The following EXD1 variants were observed in gnomAD, a reference collection of about 807,000 sequenced individuals.
EXD1 encodes the protein piRNA biogenesis protein EXD1.
A neutral mutation model predicts 49.1 loss-of-function variants in EXD1; 63 were observed. The ratio of observed to expected loss-of-function variants is 1.28; its 90% CI spans 1.05 to 1.58. The LOEUF is 1.58. Among genes scored for constraint, EXD1 ranks in the 40% most tolerant of loss-of-function variants. EXD1 has a pLI of 0.00. For missense variants in EXD1, 748 were observed against 666.0 expected (o/e 1.12, Z -1.36); for synonymous variants, 234 against 239.2 (o/e 0.98, Z 0.20).
intron 7 of EXD1, among the ~76,000 whole-genome samples, chr15:41,207,331 C>T (rs1042118222): frequency 2.7e-5 from 4 of 149,592 alleles, no homozygotes; most frequent in Admixed American, 1.3e-4. Context: ...CACCTGAGGT[C>T]GGGAGTTCGA....
Position 41,213,016 on chromosome 15 carries a change from GGGTGAC to G in EXD1, c.447+2753_447+2758del, listed in dbSNP as rs142392506. Among the ~76,000 whole-genome samples the G allele has an allele frequency of 8.2e-3, 1,240 of 151,796 alleles. 14 individuals carry two copies. Among genetic ancestry groups the G allele is most frequent in the African/African-American group, 0.029 (1,200 of 41,394 alleles). ...TGATTGTGCCACTGCACTCCAACCT[GGGTGAC>G]AGAGCAAGACCCCGTCTCAAAAAAA... On this transcript the variant is annotated intron_variant, in intron 6 of 11. Transcript: ENST00000458580.
intron 5 of EXD1, 49 bp downstream of exon 5, chr15:41,216,619 G>A (rs751409229): frequency 6.5e-6 from 10 of 1,547,308 alleles, no homozygotes; most frequent in Middle Eastern, 2.4e-4. Context: ...CAACAAGAGC[G>A]AAACTCCATC....
intron 2 of EXD1, among the ~76,000 whole-genome samples, chr15:41,225,178 C>T (rs2047142694): frequency 6.6e-6 from 1 of 152,184 alleles, no homozygotes; most frequent in African/African-American, 2.4e-5. Flanking sequence ...AGCTGCCTAC[C>T]TCTTTACTTT....
intron 2 of EXD1, among the ~76,000 whole-genome samples, chr15:41,222,464 A>G (rs1206479615): frequency 6.6e-6 from 1 of 152,082 alleles, no homozygotes; most frequent in East Asian, 1.9e-4. Context: ...TCCATCACCA[A>G]TTCCTCCTTT....
intron 9 of EXD1, among the ~76,000 whole-genome samples, chr15:41,192,594 ATTTTTTTTTTTTTTTT>A (rs59054803): frequency 3.7e-4 from 15 of 40,836 alleles, no homozygotes; most frequent in African/African-American, 1.0e-3. Flanking sequence ...TGCGCCAGGC[ATTTTTTTTTTTTTTTT>A]TTTTTTTTTT....
At chr15:41,196,264 G>C (rs1408050142) in intron 7 of EXD1, among the ~76,000 whole-genome samples, 1 of 149,792 alleles carries the variant, frequency 6.7e-6, no homozygotes, top group Non-Finnish European at 1.5e-5. Flanking sequence ...CTCCTGCCTC[G>C]GCCTCCTGAT....
chr15:41,210,115 A>G (rs1012277784), intron 6 of EXD1, among the ~76,000 whole-genome samples: 31 of 152,158 alleles, frequency 2.0e-4, no homozygotes, highest in Admixed American at 3.9e-4. Flanking sequence ...GGGTGTCACT[A>G]TGTTGGTCAG....
At chr15:41,195,890 G>A (rs781005266) in intron 8 of EXD1, 35 bp from the exon 9 acceptor site, 59 of 1,609,096 alleles carry the variant, frequency 3.7e-5, no homozygotes, top group Non-Finnish European at 4.7e-5. Context: ...ATTAGAACCT[G>A]GCTGCTAATC....
rs377285853 is a variant in EXD1, at chr15:41,184,047, C to G, written c.1603G>C (p.Val535Leu). The change falls in exon 12 of 12, where the codon GTG (valine) becomes CTG (leucine). Residue 535 changes from valine to leucine, a missense_variant. Transcript: ENST00000458580. ...SMSSFPQETRVSPSDTFYPIR... is the reference protein window; with the variant it reads ...SMSSFPQETRLSPSDTFYPIR... The stretch of plus-strand genomic sequence containing the variant: ...GGATAAAAAGTGTCACTTGGAGACA[C>G]TCTGGTTTCCTGAGGAAAGGAAGAC... 12 of 1,614,084 alleles carry G rather than the reference C, an allele frequency of 7.4e-6. No homozygotes were observed. The highest frequency in any genetic ancestry group is 2.7e-5 in the African/African-American group (2 of 74,930).
chr15:41,187,887 T>C (rs1220740093), intron 11 of EXD1, among the ~76,000 whole-genome samples: 1 of 151,758 alleles, frequency 6.6e-6, no homozygotes, highest in Non-Finnish European at 1.5e-5. Flanking sequence ...GGGTGGTGCA[T>C]GCCTGTAATC....
intron 6 of EXD1, among the ~76,000 whole-genome samples, chr15:41,210,701 A>G (rs1351517588): frequency 6.6e-6 from 1 of 151,978 alleles, no homozygotes; most frequent in Non-Finnish European, 1.5e-5. Flanking sequence ...GTGGTACCCC[A>G]GGTACACACT....
rs1043111972 is a variant in EXD1 at position 41,226,489 on chromosome 15, A to C, written c.87T>G (p.Gly29=). The change falls in exon 2 of 12, where the codon GGT becomes GGG. Residue 29 remains glycine, a synonymous_variant. Coordinates refer to ENST00000458580, the MANE Select transcript of EXD1 (RefSeq NM_001286441.2). ...KLTLVCGVFE[G]VLQHVDPNKI... is the part of the protein sequence containing the mutation. ...TATTAGGGTCAACATGCTGAAGCAC[A>C]CCCTCGAAGACACCACAGACCAATG... The C allele has an allele frequency of 2.0e-6, 3 of 1,535,920 alleles. No individual in the cohort carries two copies. The African/African-American group carries it at 4.1e-5, about 21-fold the overall frequency.
intron 2 of EXD1, among the ~76,000 whole-genome samples, chr15:41,222,131 G>A (rs943512345): frequency 1.3e-4 from 19 of 151,728 alleles, no homozygotes; most frequent in African/African-American, 4.3e-4. Context: ...ATTTTCAAAC[G>A]GGGCCAGGCA....
chr15:41,201,804 A>G (rs1281182487), intron 7 of EXD1, among the ~76,000 whole-genome samples: 1 of 151,970 alleles, frequency 6.6e-6, no homozygotes, highest in African/African-American at 2.4e-5. Context: ...GCTTCTAATC[A>G]CAAAAATCAC....
At chr15:41,188,495 C>T (rs1389555724) in intron 11 of EXD1, among the ~76,000 whole-genome samples, 1 of 151,804 alleles carries the variant, frequency 6.6e-6, no homozygotes, top group Non-Finnish European at 1.5e-5. Context: ...TGGGTTCAAA[C>T]GATTCTCCTG....
At chr15:41,200,455 A>G (rs906411438) in intron 7 of EXD1, among the ~76,000 whole-genome samples, 2 of 152,176 alleles carry the variant, frequency 1.3e-5, no homozygotes, top group Non-Finnish European at 2.9e-5. Flanking sequence ...CCTGGAAGGC[A>G]GAGGTTGCAG....
In EXD1 at chr15:41,226,638, T is replaced by G; in HGVS notation, c.-53-10A>C. 6.8e-7 allele frequency: 1 copy of G among 1,479,058 alleles called. No individual in the cohort carries two copies. The allele number at this position is 1,479,058 out of a possible 1,614,324, so 91.6% of individuals were successfully genotyped here. Reference sequence around the variant, plus strand: ...TTTAAGCATCCAAACACTTGAAAATTAATAAAGAGATCTATGAATTTTAAA... The same window carrying G: ...TTTAAGCATCCAAACACTTGAAAATGAATAAAGAGATCTATGAATTTTAAA... On this transcript the variant is annotated splice_polypyrimidine_tract_variant and intron_variant, in intron 1 of 11. Coordinates refer to ENST00000458580, the MANE Select transcript of EXD1 (RefSeq NM_001286441.2).
chr15:41,184,501 A>C lies in EXD1; in HGVS notation c.1149T>G (p.Asn383Lys). ...CTGTCCTTATCAGGAGTCCCTGTGC[A>C]TTCACCCTATATTCTCTTGCAGCTT... ...REKAAREYRV[N>K]AQGLLIRTVL... is the part of the protein sequence containing the mutation. Residue 383 changes from asparagine (N) to lysine (K), a missense_variant, in exon 12 of 12, where the codon AAT becomes AAG. Asn to Lys is a moderately conservative substitution (Grantham distance 94). Transcript: ENST00000458580. 6.2e-7 allele frequency: 1 copy of C among 1,614,088 alleles called. No individual in the cohort carries two copies. Among genetic ancestry groups the C allele is most frequent in the African/African-American group, 1.3e-5 (1 of 75,036 alleles).
At chr15:41,207,472 G>T (rs2046851428) in intron 7 of EXD1, among the ~76,000 whole-genome samples, 1 of 151,906 alleles carries the variant, frequency 6.6e-6, no homozygotes, top group South Asian at 2.1e-4. Context: ...CCCGGGAGGT[G>T]GAGGTTGTGG....
Sources: gnomAD v4.1 joint callset for allele counts (sites outside exome capture counted in the v4.1 genomes callset) on GRCh38, gnomAD v4.1.1 for gene constraint, MANE v1.5 for transcripts, NCBI Gene and HGNC (gene_info 2026-07-23, HGNC 2026-07-21) for gene names.